CSMD3: variants seen among roughly 807,000 people sequenced by gnomAD.
The protein encoded by CSMD3 is CUB and Sushi multiple domains 3, also known as CUB and sushi domain-containing protein 3.
CSMD3 carries 177 observed loss-of-function variants against 435.2 expected under a neutral mutation model. The observed-to-expected ratio is 0.41, with a 90% CI of 0.36 to 0.46. The LOEUF is 0.46. Ranked by LOEUF, CSMD3 falls within the 20% of genes least tolerant of loss-of-function variation. CSMD3 has a pLI of 0.34. For missense variants in CSMD3, 4,265 were observed against 4,504.6 expected (o/e 0.95, Z 1.52); for synonymous variants, 1,656 against 1,520.5 (o/e 1.09, Z -2.07).
chr8:113,224,759 G>A (rs1355331795), intron 3 of CSMD3, among the ~76,000 whole-genome samples: 2 of 150,806 alleles, frequency 1.3e-5, no homozygotes, highest in African/African-American at 4.9e-5. Flanking sequence ...CAATAGATGT[G>A]TCTTGTACAA....
intron 13 of CSMD3, among the ~76,000 whole-genome samples, chr8:112,694,882 G>A (rs532696471): frequency 3.9e-4 from 59 of 152,208 alleles, no homozygotes; most frequent in South Asian, 2.9e-3. Context: ...CAGTGTGAGC[G>A]AAGCAGAAGA....
chr8:112,524,482 A>G (rs2131031160), intron 27 of CSMD3, among the ~76,000 whole-genome samples: 1 of 152,206 alleles, frequency 6.6e-6, no homozygotes, highest in East Asian at 1.9e-4. Context: ...ACTAAGTACC[A>G]AGTACCAGGT....
At position 112,859,125 on chromosome 8, in the gene CSMD3, C is replaced by A. The variant is rs111964938; in HGVS notation, c.1755+20G>T. ...TATGATTATGACTTTTTTTTTAAAT[C>A]ACAGATGGTGTTCTCTTACCTTATT... On this transcript the variant is annotated intron_variant, in intron 11 of 70. Coordinates refer to ENST00000297405, the MANE Select transcript of CSMD3 (RefSeq NM_198123.2). 3.1e-6 allele frequency: 5 copies of A among 1,601,780 alleles called. No homozygotes were observed. The highest frequency in any genetic ancestry group is 2.7e-5 in the African/African-American group (2 of 74,380).
chr8:113,138,809 T>TTGTGTG (rs2091477868), intron 4 of CSMD3, among the ~76,000 whole-genome samples: 1 of 93,634 alleles, frequency 1.1e-5, no homozygotes, highest in Non-Finnish European at 1.9e-5. Flanking sequence ...CTAAACGTGT[T>TTGTGTG]AGTGTGTGTG....
intron 27 of CSMD3, among the ~76,000 whole-genome samples, chr8:112,522,246 G>T (rs111471540): frequency 0.023 from 3,457 of 151,832 alleles, 133 homozygotes; most frequent in African/African-American, 0.077. Context: ...TAAAAGTAAT[G>T]CAATTTTCTA....
intron 3 of CSMD3, among the ~76,000 whole-genome samples, chr8:113,254,376 C>T (rs946184731): frequency 2.0e-5 from 3 of 152,170 alleles, no homozygotes; most frequent in African/African-American, 2.4e-5. Flanking sequence ...AGGGTCCAGG[C>T]GTGTTCAGCA....
chr8:112,370,948 GAAA>G (rs1828337040), intron 38 of CSMD3, among the ~76,000 whole-genome samples: 8 of 152,164 alleles, frequency 5.3e-5, no homozygotes, highest in Admixed American at 5.2e-4. Flanking sequence ...AGGTAAAAAG[GAAA>G]TGATACCAGA....
chr8:112,605,602 A>T (rs1832727914), intron 22 of CSMD3, among the ~76,000 whole-genome samples: 1 of 151,940 alleles, frequency 6.6e-6, no homozygotes, highest in Non-Finnish European at 1.5e-5. Context: ...CAAAGAAGGG[A>T]ACAATAAACA....
chr8:112,354,841 A>C (rs1826443843), intron 38 of CSMD3, among the ~76,000 whole-genome samples: 1 of 152,216 alleles, frequency 6.6e-6, no homozygotes, highest in African/African-American at 2.4e-5. Context: ...AGAACTAAGA[A>C]AAAAACTGTG....
chr8:112,712,913 T>C (rs1427939749), intron 13 of CSMD3, among the ~76,000 whole-genome samples: 2 of 152,030 alleles, frequency 1.3e-5, no homozygotes, highest in Non-Finnish European at 2.9e-5. Flanking sequence ...GGGAAGCTGG[T>C]TATTAGTCTG....
At chr8:113,003,021 C>T (rs2085923194) in intron 6 of CSMD3, among the ~76,000 whole-genome samples, 1 of 151,994 alleles carries the variant, frequency 6.6e-6, no homozygotes, top group Admixed American at 6.6e-5. Context: ...AGGTGGATCA[C>T]CTGAGGTCAG....
chr8:112,456,439 G>T (rs1466775332), intron 32 of CSMD3, among the ~76,000 whole-genome samples: 1 of 152,024 alleles, frequency 6.6e-6, no homozygotes, highest in African/African-American at 2.4e-5. Context: ...ATAGTTCTAT[G>T]AAATACTATT....
intron 2 of CSMD3, among the ~76,000 whole-genome samples, chr8:113,283,099 A>T (rs1179059197): frequency 6.6e-6 from 1 of 152,172 alleles, no homozygotes; most frequent in Non-Finnish European, 1.5e-5. Context: ...TGGATTAAGG[A>T]CGTAAATCTA....
intron 10 of CSMD3, among the ~76,000 whole-genome samples, chr8:112,875,313 G>A (rs1341932354): frequency 6.6e-6 from 1 of 152,124 alleles, no homozygotes; most frequent in African/African-American, 2.4e-5. Flanking sequence ...GCTTCCCTTT[G>A]TGGGTAACCC....
At chr8:112,245,094 T>C (rs1411738329) in intron 64 of CSMD3, among the ~76,000 whole-genome samples, 1 of 152,126 alleles carries the variant, frequency 6.6e-6, no homozygotes, top group African/African-American at 2.4e-5. Context: ...CTGGTATTAA[T>C]ACTTCCCAAT....
At chr8:112,468,522 C>A (rs953710483) in intron 32 of CSMD3, among the ~76,000 whole-genome samples, 4 of 152,058 alleles carry the variant, frequency 2.6e-5, no homozygotes, top group Middle Eastern at 3.2e-3. Flanking sequence ...GACTCCTATA[C>A]TCTAGGTATA....
intron 1 of CSMD3, among the ~76,000 whole-genome samples, chr8:113,383,831 A>G (rs993218206): frequency 6.6e-6 from 1 of 151,834 alleles, no homozygotes; most frequent in Admixed American, 6.6e-5. Context: ...TTTTATTCCA[A>G]CTCTGGTTTC....
intron 32 of CSMD3, among the ~76,000 whole-genome samples, chr8:112,443,302 T>C (rs1815243813): frequency 1.3e-5 from 2 of 152,188 alleles, no homozygotes. Flanking sequence ...ACGGTTATTT[T>C]GAAATGACTT....
At chr8:112,628,568 G>A (rs867517896) in intron 22 of CSMD3, among the ~76,000 whole-genome samples, 56 of 152,138 alleles carry the variant, frequency 3.7e-4, no homozygotes, top group African/African-American at 1.4e-3. Context: ...TTCCTCTGGA[G>A]CACAGCTTTG....
Sources: gnomAD v4.1 joint callset for allele counts (sites outside exome capture counted in the v4.1 genomes callset) on GRCh38, gnomAD v4.1.1 for gene constraint, MANE v1.5 for transcripts, NCBI Gene and HGNC (gene_info 2026-07-23, HGNC 2026-07-21) for gene names.